NGLY1: variants seen among roughly 807,000 people sequenced by gnomAD.
NGLY1 encodes the protein N-glycanase 1.
A neutral mutation model predicts 84.6 loss-of-function variants in NGLY1; 68 were observed. That is an observed-to-expected ratio of 0.80 (90% CI 0.66 to 0.98). NGLY1 has a LOEUF of 0.98. NGLY1 is among the 50% of genes least tolerant of loss of function. NGLY1 has a pLI of 0.00. For synonymous variants in NGLY1, 280 were observed against 275.2 expected, an observed-to-expected ratio of 1.02 and a Z score of -0.17; for missense variants, 779 against 770.2, an observed-to-expected ratio of 1.01 and a Z score of -0.14.
intron 4 of NGLY1, among the ~76,000 whole-genome samples, chr3:25,747,382 G>A (rs1706489871): frequency 6.6e-6 from 1 of 152,156 alleles, no homozygotes; most frequent in Non-Finnish European, 1.5e-5. Context: ...TACAAGAAGA[G>A]AACAACTGTC....
At position 25,750,827 on chromosome 3, in the gene NGLY1, G is replaced by A. The variant is rs895289551; in HGVS notation, c.658+271C>T. ...CTACAACTGTCCCTCAGTATATGCT[G>A]GGGATTGGTTCCAGGACCCCCACCT... On this transcript the variant is annotated intron_variant, in intron 4 of 11. Transcript: ENST00000280700. Among the ~76,000 whole-genome samples the A allele has an allele frequency of 1.7e-4, 26 of 152,228 alleles. No homozygotes were observed. In the South Asian group the frequency reaches 4.8e-3, roughly 28 times the overall value.
In NGLY1 at chr3:25,729,233, T is replaced by C. The variant is rs769994659; in HGVS notation, c.1511A>G (p.Tyr504Cys). The C allele has an allele frequency of 6.4e-7, 1 of 1,558,802 alleles. No individual in the cohort carries two copies. The highest frequency in any genetic ancestry group is 8.7e-7 in the Non-Finnish European group (1 of 1,148,264). The change falls in exon 10 of 12, where the codon TAT becomes TGT. Residue 504 changes from tyrosine (Y) to cysteine (C), a missense_variant. Transcript: ENST00000280700. ...TTGATTGTTATTTGAAACTCGAACA[T>C]AACGATCTTTCACAATATTGTAACA... ...HLCYNIVKDR[Y>C]VRVSNNNQTI... is the part of the protein sequence containing the mutation.
chr3:25,754,402 A>G (rs1323468581), intron 3 of NGLY1, among the ~76,000 whole-genome samples: 2 of 152,200 alleles, frequency 1.3e-5, no homozygotes, highest in Non-Finnish European at 2.9e-5. Flanking sequence ...CATATTTTGA[A>G]GGATCAGAGA....
intron 6 of NGLY1, chr3:25,736,685 G>A (rs1489170369): frequency 3.7e-6 from 1 of 270,070 alleles, no homozygotes; most frequent in Non-Finnish European, 6.9e-6. Context: ...TCTAAATAGG[G>A]ACAACACAAA....
intron 9 of NGLY1, among the ~76,000 whole-genome samples, chr3:25,731,266 A>C (rs1329817569): frequency 1.3e-5 from 2 of 152,114 alleles, no homozygotes; most frequent in East Asian, 1.9e-4. Context: ...GTAAAACAGC[A>C]TTCTTTTAAA....
intron 9 of NGLY1, chr3:25,729,981 A>C (rs1454695467): frequency 6.6e-6 from 1 of 152,138 alleles, no homozygotes; most frequent in East Asian, 1.9e-4. Context: ...TACTCTCCAC[A>C]TACTGGATTC....
At chr3:25,785,135 C>CA (rs1159268520), upstream of NGLY1, among the ~76,000 whole-genome samples, 4,516 of 76,852 alleles carry the variant, frequency 0.059, 170 homozygotes, top group Admixed American at 0.089. Context: ...CCTGCTTGGA[C>CA]AAAAAAAAAA....
At chr3:25,725,951 G>A (rs1575609210) in intron 10 of NGLY1, among the ~76,000 whole-genome samples, 1 of 152,160 alleles carries the variant, frequency 6.6e-6, no homozygotes, top group East Asian at 1.9e-4. Flanking sequence ...CAGCTGATAC[G>A]CACCTTGAGG....
chr3:25,724,029 T>C (rs1010911572), intron 10 of NGLY1, among the ~76,000 whole-genome samples: 2 of 152,214 alleles, frequency 1.3e-5, no homozygotes, highest in African/African-American at 4.8e-5. Flanking sequence ...CTATTCACAA[T>C]ATATAAAAAT....
Position 25,751,126 on chromosome 3 carries a change from CT to C in NGLY1, c.629del (p.Lys210SerfsTer14). 6.2e-7 allele frequency: 1 copy of C among 1,612,958 alleles called. No individual in the cohort carries two copies. The highest frequency in any genetic ancestry group is 8.5e-7 in the Non-Finnish European group (1 of 1,179,678). ...VQELKRKSQE[K>X]LSRARKLDKG... ...TATCCAATTTTCTAGCTCTCGATAA[CT>C]TTTCTTGTGATTTCCTTTTTAGTTC... On this transcript the variant is annotated frameshift_variant, in exon 4 of 12. Coordinates refer to ENST00000280700, the MANE Select transcript of NGLY1 (RefSeq NM_018297.4). LOFTEE classifies it high-confidence loss of function.
intron 2 of NGLY1, among the ~76,000 whole-genome samples, chr3:25,769,230 G>A (rs138811376): frequency 1.3e-5 from 2 of 152,178 alleles, no homozygotes; most frequent in Non-Finnish European, 2.9e-5. Context: ...GCATGATGGC[G>A]TGCACCTGCA....
intron 1 of NGLY1, among the ~76,000 whole-genome samples, chr3:25,779,450 G>C (rs150580229): frequency 2.4e-4 from 36 of 152,246 alleles, no homozygotes; most frequent in Non-Finnish European, 4.7e-4. Context: ...ATATTCAAAA[G>C]ACCCTCAGAA....
At chr3:25,723,254 A>C (rs1705095333) in intron 10 of NGLY1, among the ~76,000 whole-genome samples, 1 of 152,230 alleles carries the variant, frequency 6.6e-6, no homozygotes, top group Non-Finnish European at 1.5e-5. Context: ...TAAAGCCTTA[A>C]AATTTTCAGT....
chr3:25,734,682 A>G, intron 7 of NGLY1: 1 of 639,598 alleles, frequency 1.6e-6, no homozygotes, highest in Non-Finnish European at 2.0e-6. Flanking sequence ...ACTGCACTCC[A>G]GCCTGGGCAA....
chr3:25,789,863 C>T (rs1157623781), exon 1 of NGLY1: 2 of 1,551,736 alleles, frequency 1.3e-6, no homozygotes, highest in South Asian at 2.4e-5. Flanking sequence ...AATGCTACCT[C>T]ATCGCGTTAT....
At chr3:25,785,027 T>C (rs1300481467), upstream of NGLY1, among the ~76,000 whole-genome samples, 1 of 151,858 alleles carries the variant, frequency 6.6e-6, no homozygotes, top group Non-Finnish European at 1.5e-5. Flanking sequence ...GTCTCAACTA[T>C]TTAACTCTGC....
chr3:25,786,741 T>C (rs1708610363), upstream of NGLY1, among the ~76,000 whole-genome samples: 1 of 152,234 alleles, frequency 6.6e-6, no homozygotes, highest in Non-Finnish European at 1.5e-5. Flanking sequence ...GATGATTTTT[T>C]TAAAATGGTG....
At chr3:25,736,456 T>C (rs564502817) in intron 6 of NGLY1, 412 of 1,405,286 alleles carry the variant, frequency 2.9e-4, no homozygotes, top group Non-Finnish European at 3.7e-4. Context: ...CTGAGTTTAC[T>C]ATCATGAAGG....
At position 25,783,086 on chromosome 3, in the gene NGLY1, C is replaced by T; in HGVS notation, c.131+174G>A. ...AGCGGGGGTGGGACTTGGCCGGGTCCCGAGGCCCCTGGCCGGCGGGCTCGG... is the reference window on the plus strand; with the variant it reads ...AGCGGGGGTGGGACTTGGCCGGGTCTCGAGGCCCCTGGCCGGCGGGCTCGG... On this transcript the variant is annotated intron_variant, in intron 1 of 11. Coordinates refer to ENST00000280700, the MANE Select transcript of NGLY1 (RefSeq NM_018297.4). The surrounding 1 kb of genome is among the most constrained non-coding windows in gnomAD (Gnocchi z 4.5). The T allele has an allele frequency of 1.7e-6, 1 of 588,264 alleles. No individual in the cohort carries two copies. Among genetic ancestry groups the T allele is most frequent in the Non-Finnish European group, 2.9e-6 (1 of 340,662 alleles). The allele number at this position is 588,264 out of a possible 1,614,324, so 36.4% of individuals were successfully genotyped here.
Sources: gnomAD v4.1 joint callset for allele counts (sites outside exome capture counted in the v4.1 genomes callset) on GRCh38, gnomAD v4.1.1 for gene constraint, Gnocchi (gnomAD v3.1) non-coding constraint, MANE v1.5 for transcripts, NCBI Gene and HGNC (gene_info 2026-07-23, HGNC 2026-07-21) for gene names.